The following RTL4 variants were observed in gnomAD, a reference collection of about 807,000 sequenced individuals.
RTL4 encodes retrotransposon Gag like 4, also known as retrotransposon Gag-like protein 4.
In RTL4, 4 loss-of-function variants were observed where a neutral mutation model predicts 5.3. The observed-to-expected ratio is 0.75, with a 90% confidence interval of 0.37 to 1.72. The LOEUF (loss-of-function observed/expected upper bound fraction) is 1.72, where lower values mean the gene tolerates loss of function less well. RTL4 is among the 40% of genes most tolerant of loss of function. The pLI, the probability that RTL4 is intolerant of heterozygous loss-of-function variation, is 0.04. For missense variants in RTL4, 260 were observed against 227.1 expected (o/e 1.14, Z -0.93); for synonymous variants, 98 against 87.3 (o/e 1.12, Z -0.68).
At chrX:112,330,828 A>C in the RTL4 span, among the ~76,000 whole-genome samples, 1 of 111,361 alleles carries the variant, frequency 9.0e-6, no homozygotes, top group African/African-American at 3.3e-5. Flanking sequence ...AATGGAACAG[A>C]ACAGAGCCCT....
At chrX:112,236,473 AT>A in the RTL4 span, among the ~76,000 whole-genome samples, 3 of 81,458 alleles carry the variant, frequency 3.7e-5, no homozygotes, top group African/African-American at 1.5e-4. Context: ...ATATCTATAT[AT>A]AGATATAGAT....
At chrX:112,213,182 A>G in the RTL4 span, among the ~76,000 whole-genome samples, 1 of 113,028 alleles carries the variant, frequency 8.8e-6, no homozygotes, top group South Asian at 3.6e-4. Flanking sequence ...AAGAAAAAAT[A>G]TCTGGGAGTT....
chrX:112,403,098 T>C, the RTL4 span, among the ~76,000 whole-genome samples: 1 of 111,724 alleles, frequency 9.0e-6, no homozygotes, highest in Non-Finnish European at 1.9e-5. Context: ...ACAACACAGC[T>C]TCTTGGTTTT....
At chrX:112,365,641 T>A in the RTL4 span, among the ~76,000 whole-genome samples, 1 of 111,548 alleles carries the variant, frequency 9.0e-6, no homozygotes, top group African/African-American at 3.2e-5. Context: ...ATATAGAAGA[T>A]CTATCTAACC....
At chrX:112,255,416 C>A in the RTL4 span, among the ~76,000 whole-genome samples, 1 of 111,948 alleles carries the variant, frequency 8.9e-6, no homozygotes, top group Non-Finnish European at 1.9e-5. Context: ...GATTCAAATC[C>A]TTTTTCTGCA....
At chrX:112,202,128 C>A in the RTL4 span, among the ~76,000 whole-genome samples, 1 of 111,341 alleles carries the variant, frequency 9.0e-6, no homozygotes, top group Non-Finnish European at 1.9e-5. Context: ...ACCTCCCTCT[C>A]ATAATCTTCA....
the RTL4 span, among the ~76,000 whole-genome samples, chrX:112,393,161 G>GTTT: frequency 2.6e-3 from 188 of 71,234 alleles, 3 homozygotes; most frequent in African/African-American, 9.0e-3. Flanking sequence ...TTTTTTTTTT[G>GTTT]TTTTTTTTTT....
the RTL4 span, among the ~76,000 whole-genome samples, chrX:112,336,322 T>C: frequency 8.9e-6 from 1 of 111,768 alleles, no homozygotes; most frequent in Admixed American, 9.6e-5. Context: ...TATATTATTT[T>C]CCCCCATCAT....
chrX:112,098,175 G>A, the RTL4 span, among the ~76,000 whole-genome samples: 1 of 93,866 alleles, frequency 1.1e-5, no homozygotes, highest in Non-Finnish European at 2.0e-5. Flanking sequence ...TGTTCTCATT[G>A]TTCAATTCCC....
the RTL4 span, among the ~76,000 whole-genome samples, chrX:112,120,402 A>G: frequency 1.9e-4 from 21 of 111,076 alleles, 1 homozygote; most frequent in South Asian, 6.1e-3. Context: ...TCAGCCTCCC[A>G]AGTAGCTGGG....
chrX:112,270,746 G>A, the RTL4 span, among the ~76,000 whole-genome samples: 1 of 111,021 alleles, frequency 9.0e-6, no homozygotes, highest in African/African-American at 3.3e-5. Flanking sequence ...GGAGGGAAAA[G>A]GAGTTCTGTT....
chrX:112,384,947 A>C, the RTL4 span, among the ~76,000 whole-genome samples: 1 of 111,014 alleles, frequency 9.0e-6, no homozygotes, highest in Non-Finnish European at 1.9e-5. Flanking sequence ...TTGTATTCCT[A>C]GGTATTTTAT....
the RTL4 span, among the ~76,000 whole-genome samples, chrX:112,230,806 G>A: frequency 9.0e-6 from 1 of 111,530 alleles, no homozygotes; most frequent in East Asian, 2.8e-4. Context: ...CAGAATGGGA[G>A]AAAATTTTTG....
chrX:112,307,183 C>A, the RTL4 span, among the ~76,000 whole-genome samples: 19 of 112,069 alleles, frequency 1.7e-4, no homozygotes, highest in African/African-American at 6.2e-4. Context: ...ATGTATTAAT[C>A]ATTTTCTATG....
the RTL4 span, among the ~76,000 whole-genome samples, chrX:112,244,991 A>C: frequency 1.8e-5 from 2 of 112,054 alleles, no homozygotes; most frequent in Non-Finnish European, 1.9e-5. Context: ...TGGATTGAAA[A>C]TTCTTTTCTT....
chrX:112,452,926 G>A (rs1429586503), upstream of RTL4, among the ~76,000 whole-genome samples: 2 of 110,519 alleles, frequency 1.8e-5, no homozygotes, highest in African/African-American at 6.6e-5. Context: ...CAGCTACTTG[G>A]GAGGCTGAGG....
the RTL4 span, among the ~76,000 whole-genome samples, chrX:112,328,767 C>T: frequency 4.8e-3 from 530 of 111,412 alleles, 3 homozygotes; most frequent in African/African-American, 0.015. Context: ...AGTAAAGTTC[C>T]CCTCAGCAAA....
At chrX:112,399,648 C>T in the RTL4 span, among the ~76,000 whole-genome samples, 10 of 110,953 alleles carry the variant, frequency 9.0e-5, no homozygotes, top group African/African-American at 2.6e-4. Flanking sequence ...GTGAGTTAGG[C>T]GATAAGAAAA....
the RTL4 span, among the ~76,000 whole-genome samples, chrX:112,341,031 T>C: frequency 9.0e-6 from 1 of 111,555 alleles, no homozygotes; most frequent in Non-Finnish European, 1.9e-5. Flanking sequence ...TAAAAGCATT[T>C]TGAACACGAC....
Sources: gnomAD v4.1 joint callset for allele counts (sites outside exome capture counted in the v4.1 genomes callset) on GRCh38, gnomAD v4.1.1 for gene constraint, MANE v1.5 for transcripts, NCBI Gene and HGNC (gene_info 2026-07-23, HGNC 2026-07-21) for gene names.